EYS: variants seen among roughly 807,000 people sequenced by gnomAD.
EYS encodes the protein protein eyes shut homolog.
In EYS, 250 loss-of-function variants were observed where a neutral mutation model predicts 282.1. That is an observed-to-expected ratio of 0.89 (90% CI 0.80 to 0.98). The LOEUF (loss-of-function observed/expected upper bound fraction) is 0.98, where lower values mean the gene tolerates loss of function less well. Ranked by LOEUF, EYS falls within the 50% of genes least tolerant of loss-of-function variation. EYS has a pLI of 0.00. For missense variants in EYS, 4,016 were observed against 3,709.0 expected (o/e 1.08, Z -2.15); for synonymous variants, 1,355 against 1,282.9 (o/e 1.06, Z -1.20).
At chr6:65,182,554 CAT>C (rs1158143645) in intron 12 of EYS, among the ~76,000 whole-genome samples, 13 of 144,352 alleles carry the variant, frequency 9.0e-5, no homozygotes, top group African/African-American at 3.8e-4. Context: ...ATTTCCTTGA[CAT>C]GTTTTGTATT....
intron 12 of EYS, among the ~76,000 whole-genome samples, chr6:65,293,725 C>T (rs868519355): frequency 2.6e-5 from 4 of 151,928 alleles, no homozygotes; most frequent in South Asian, 2.1e-4. Context: ...AAACTCCTAA[C>T]GTGGGGCCAA....
At chr6:65,286,580 T>C (rs1300569301) in intron 12 of EYS, among the ~76,000 whole-genome samples, 1 of 151,770 alleles carries the variant, frequency 6.6e-6, no homozygotes, top group Non-Finnish European at 1.5e-5. Flanking sequence ...AAAACTATAT[T>C]ATCCATGTAC....
intron 12 of EYS, among the ~76,000 whole-genome samples, chr6:65,123,051 C>T (rs1775610468): frequency 6.6e-6 from 1 of 151,970 alleles, no homozygotes; most frequent in African/African-American, 2.4e-5. Context: ...GTCTATTTAA[C>T]TTAAATATAA....
chr6:64,625,014 A>G (rs148721567), intron 23 of EYS, among the ~76,000 whole-genome samples: 4 of 152,288 alleles, frequency 2.6e-5, no homozygotes, highest in Non-Finnish European at 5.9e-5. Context: ...AACTATAGGC[A>G]TGCTACTATC....
chr6:65,169,569 C>T (rs1765055917), intron 12 of EYS, among the ~76,000 whole-genome samples: 2 of 151,272 alleles, frequency 1.3e-5, no homozygotes, highest in South Asian at 4.1e-4. Flanking sequence ...ACAACACATG[C>T]TTTTTCAATT....
At chr6:65,224,632 T>A (rs919978243) in intron 12 of EYS, among the ~76,000 whole-genome samples, 3 of 152,082 alleles carry the variant, frequency 2.0e-5, no homozygotes, top group Admixed American at 2.0e-4. Flanking sequence ...GTTCTTTGAA[T>A]TGACAAACCT....
At chr6:64,837,655 T>A (rs553521139) in intron 19 of EYS, among the ~76,000 whole-genome samples, 1 of 139,088 alleles carries the variant, frequency 7.2e-6, no homozygotes, top group Non-Finnish European at 1.5e-5. Flanking sequence ...ATATGATATA[T>A]GATATGTATA....
At chr6:63,728,844 A>T (rs1303943155) in intron 41 of EYS, among the ~76,000 whole-genome samples, 1 of 152,160 alleles carries the variant, frequency 6.6e-6, no homozygotes, top group Non-Finnish European at 1.5e-5. Context: ...CCTTTGGACA[A>T]ATACCAAGGA....
chr6:65,413,548 C>G (rs1281485431), intron 5 of EYS, among the ~76,000 whole-genome samples: 1 of 151,930 alleles, frequency 6.6e-6, no homozygotes, highest in Non-Finnish European at 1.5e-5. Flanking sequence ...TGGAATGAGT[C>G]CTGTGGATAG....
At chr6:64,119,511 T>A (rs1773501729) in intron 31 of EYS, among the ~76,000 whole-genome samples, 1 of 152,224 alleles carries the variant, frequency 6.6e-6, no homozygotes, top group South Asian at 2.1e-4. Flanking sequence ...CACATTTGAC[T>A]TCATTTGCCA....
At chr6:64,214,495 T>C (rs1765872322) in intron 31 of EYS, among the ~76,000 whole-genome samples, 1 of 152,166 alleles carries the variant, frequency 6.6e-6, no homozygotes, top group Non-Finnish European at 1.5e-5. Context: ...ATAGTCATTT[T>C]CCATCTTTCT....
chr6:63,745,018 G>A (rs965512717), intron 41 of EYS: 2 of 426,524 alleles, frequency 4.7e-6, no homozygotes, highest in South Asian at 3.4e-5. Flanking sequence ...ATAAATTGAT[G>A]ACCTGGCAAG....
chr6:64,915,480 T>A (rs1271463175), intron 15 of EYS, among the ~76,000 whole-genome samples: 1 of 152,160 alleles, frequency 6.6e-6, no homozygotes, highest in Non-Finnish European at 1.5e-5. Context: ...TCAGAGAGTT[T>A]AATGAAATTG....
At chr6:63,770,185 A>G (rs1012734087) in intron 40 of EYS, among the ~76,000 whole-genome samples, 2 of 152,082 alleles carry the variant, frequency 1.3e-5, no homozygotes, top group African/African-American at 4.8e-5. Flanking sequence ...ATCACCATAT[A>G]AAACCTACAA....
chr6:65,512,634 C>T (rs1172527728), intron 2 of EYS, among the ~76,000 whole-genome samples: 1 of 151,772 alleles, frequency 6.6e-6, no homozygotes, highest in East Asian at 1.9e-4. Context: ...GATTAAGAAA[C>T]TCACTCAGAA....
chr6:65,027,033 T>TG (rs1491507599), intron 13 of EYS, among the ~76,000 whole-genome samples: 1 of 151,902 alleles, frequency 6.6e-6, no homozygotes, highest in Non-Finnish European at 1.5e-5. Context: ...TTTTTTTTTT[T>TG]TGACAGTGAG....
chr6:65,145,213 C>G (rs758573938), intron 12 of EYS, among the ~76,000 whole-genome samples: 1 of 151,866 alleles, frequency 6.6e-6, no homozygotes, highest in Non-Finnish European at 1.5e-5. Flanking sequence ...TCCACTACTA[C>G]TAATTTATTT....
chr6:63,915,353 C>T (rs894154821), intron 35 of EYS, among the ~76,000 whole-genome samples: 1 of 152,148 alleles, frequency 6.6e-6, no homozygotes, highest in Admixed American at 6.5e-5. Context: ...TTTAAGCTTA[C>T]TGTTGAGACC....
chr6:65,071,240 A>G (rs1773894369), intron 12 of EYS, among the ~76,000 whole-genome samples: 1 of 151,902 alleles, frequency 6.6e-6, no homozygotes. Flanking sequence ...TTATTTTAAA[A>G]ATACAAATAA....
Sources: allele counts gnomAD v4.1 joint callset (sites outside exome capture counted in the v4.1 genomes callset), GRCh38; gene constraint gnomAD v4.1.1; transcripts MANE v1.5; gene names NCBI Gene and HGNC (gene_info 2026-07-23, HGNC 2026-07-21).